The following FAM193B variants were observed in gnomAD, a reference collection of about 807,000 sequenced individuals.
FAM193B encodes the protein family with sequence similarity 193 member B, also known as protein FAM193B.
A neutral mutation model predicts 70.7 loss-of-function variants in FAM193B; 27 were observed. The ratio of observed to expected loss-of-function variants is 0.38; its 90% CI spans 0.28 to 0.53. The LOEUF (loss-of-function observed/expected upper bound fraction) is 0.53. FAM193B is among the 20% of genes least tolerant of loss of function. The pLI is 0.81. For synonymous variants in FAM193B, 448 were observed against 436.0 expected (o/e 1.03, Z -0.34); for missense variants, 1,022 against 1,072.5 (o/e 0.95, Z 0.66).
At chr5:177,547,999 T>G (rs1025281964) in intron 1 of FAM193B, among the ~76,000 whole-genome samples, 1 of 152,182 alleles carries the variant, frequency 6.6e-6, no homozygotes, top group Admixed American at 6.5e-5. Context: ...AGACATAGCA[T>G]GCCTCTCCTC....
Position 177,536,461 on chromosome 5 carries a change from G to T in FAM193B, c.973C>A (p.Pro325Thr). Residue 325 changes from proline (P) to threonine (T), a missense_variant, in exon 4 of 9, where the codon CCA (proline) becomes ACA (threonine). Coordinates refer to ENST00000514747, the MANE Select transcript of FAM193B (RefSeq NM_001190946.3). ...TSMPLLKMPPPFSGCSHPCSG... is the reference protein window; with the variant it reads ...TSMPLLKMPPTFSGCSHPCSG... Reference sequence around the variant, plus strand: ...CAGGGGTGGCTGCACCCCGAGAATGGTGGGGGCATCTTCAGGAGCGGCATG... The same window carrying T: ...CAGGGGTGGCTGCACCCCGAGAATGTTGGGGGCATCTTCAGGAGCGGCATG... The T allele has an allele frequency of 6.3e-7, 1 of 1,588,322 alleles. No individual in the cohort carries two copies. The highest frequency in any genetic ancestry group is 8.5e-7 in the Non-Finnish European group (1 of 1,171,486).
intron 5 of FAM193B, among the ~76,000 whole-genome samples, chr5:177,528,685 A>G (rs976379141): frequency 1.3e-5 from 2 of 152,238 alleles, no homozygotes; most frequent in African/African-American, 2.4e-5. Context: ...GCTATTTGCC[A>G]AAAAATAAGG....
intron 5 of FAM193B, among the ~76,000 whole-genome samples, chr5:177,527,457 G>A (rs990043545): frequency 4.6e-5 from 7 of 152,204 alleles, no homozygotes; most frequent in African/African-American, 7.2e-5. Context: ...GCATGGATAG[G>A]GCTTTTGGTG....
Position 177,521,960 on chromosome 5 carries a change from T to TG in FAM193B, c.*1+13dup. The TG allele has an allele frequency of 6.2e-7, 1 of 1,607,874 alleles. No homozygotes were observed. Among genetic ancestry groups the TG allele is most frequent in the Non-Finnish European group, 8.5e-7 (1 of 1,174,396 alleles). On this transcript the variant is annotated intron_variant, in intron 8 of 8. Transcript: ENST00000514747. Reference sequence around the variant, plus strand: ...AGGGAGAGGCAGTGGATGTAACTCTTGGGGTCTCTGTACCTCACTGAGCTG... The same window carrying TG: ...AGGGAGAGGCAGTGGATGTAACTCTTGGGGGTCTCTGTACCTCACTGAGCTG...
At chr5:177,531,696 G>A in intron 5 of FAM193B, 1 of 652,342 alleles carries the variant, frequency 1.5e-6, no homozygotes, top group South Asian at 1.9e-5. Context: ...GCGGCAGTGG[G>A]TGAAGGGACT....
intron 5 of FAM193B, chr5:177,531,253 C>G: frequency 1.6e-6 from 2 of 1,246,404 alleles, no homozygotes; most frequent in African/African-American, 3.1e-5. Context: ...GGAGGAGAGA[C>G]GGCAGAGCTG....
At chr5:177,529,781 CT>C (rs1763174228) in intron 5 of FAM193B, among the ~76,000 whole-genome samples, 1 of 152,166 alleles carries the variant, frequency 6.6e-6, no homozygotes, top group Non-Finnish European at 1.5e-5. Context: ...CTCTGGGGAC[CT>C]AACTGGGAAC....
intron 5 of FAM193B, among the ~76,000 whole-genome samples, chr5:177,530,310 TTCGAG>T (rs1316470339): frequency 2.0e-5 from 3 of 152,226 alleles, no homozygotes; most frequent in Non-Finnish European, 4.4e-5. Flanking sequence ...CACGGGAACC[TTCGAG>T]TCAACATGCC....
chr5:177,524,124 C>T, intron 6 of FAM193B, 61 bp downstream of exon 6: 10 of 1,606,352 alleles, frequency 6.2e-6, no homozygotes, highest in Non-Finnish European at 6.0e-6. Context: ...CAAAGGCTGC[C>T]CCTCCACCCC....
At chr5:177,541,482 G>A (rs532233354) in intron 1 of FAM193B, among the ~76,000 whole-genome samples, 39 of 151,942 alleles carry the variant, frequency 2.6e-4, no homozygotes, top group African/African-American at 7.7e-4. Flanking sequence ...GCAGTGGTAC[G>A]ATCTCGGCTC....
intron 4 of FAM193B, among the ~76,000 whole-genome samples, chr5:177,534,165 C>T (rs367649190): frequency 2.0e-5 from 3 of 152,292 alleles, no homozygotes; most frequent in East Asian, 3.9e-4. Context: ...GCCCTCTCTG[C>T]TGCTAGAAAG....
At chr5:177,527,436 T>TAAG (rs1299580562) in intron 5 of FAM193B, among the ~76,000 whole-genome samples, 1 of 152,158 alleles carries the variant, frequency 6.6e-6, no homozygotes, top group Non-Finnish European at 1.5e-5. Flanking sequence ...GTCTGAGCTA[T>TAAG]CAGCGATGTG....
intron 5 of FAM193B, chr5:177,525,494 G>A (rs543164755): frequency 3.4e-5 from 11 of 319,126 alleles, no homozygotes; most frequent in African/African-American, 1.1e-4. Flanking sequence ...CAATAATTCC[G>A]GAGTAAAGCC....
intron 1 of FAM193B, among the ~76,000 whole-genome samples, chr5:177,544,999 T>C (rs1213624460): frequency 6.6e-6 from 1 of 152,210 alleles, no homozygotes; most frequent in Admixed American, 6.5e-5. Flanking sequence ...CTTTAGTCTA[T>C]TAAGCCAGAT....
In FAM193B at chr5:177,530,607, G is replaced by A. The variant is rs536772421; in HGVS notation, c.1275+1836C>T. 3.9e-5 allele frequency among the ~76,000 whole-genome samples: 6 copies of A among 152,260 alleles called. No individual in the cohort carries two copies. In the East Asian group the frequency reaches 7.7e-4, roughly 20 times the overall value. On this transcript the variant is annotated intron_variant, in intron 5 of 8. Transcript: ENST00000514747. The stretch of plus-strand genomic sequence containing the variant: ...TCCAAGCTACCTTCCATTTGGCCAC[G>A]GCATAATCTTAGGATGCAGGTGTGA...
At chr5:177,553,260 T>C in intron 1 of FAM193B, 2 of 986,498 alleles carry the variant, frequency 2.0e-6, no homozygotes, top group Non-Finnish European at 2.4e-6. Flanking sequence ...CCCGATGCAG[T>C]GTCTGCAGAG....
chr5:177,537,014 TTC>T (rs1288908068), intron 3 of FAM193B, among the ~76,000 whole-genome samples: 3 of 152,220 alleles, frequency 2.0e-5, no homozygotes, highest in Non-Finnish European at 4.4e-5. Flanking sequence ...AAGATATGCA[TTC>T]TGTCTCTGAG....
chr5:177,537,879 T>C lies in FAM193B; in HGVS notation c.682A>G (p.Ile228Val), dbSNP rs768603390. 3 of 1,607,654 alleles carry C rather than the reference T, an allele frequency of 1.9e-6. No individual in the cohort carries two copies. The highest frequency in any genetic ancestry group is 3.4e-5 in the Admixed American group (2 of 59,372). The change falls in exon 3 of 9, where the codon ATC becomes GTC. Residue 228 changes from isoleucine (I) to valine (V), a missense_variant. Physicochemically the swap from Ile to Val is conservative, Grantham distance 29. Transcript: ENST00000514747. Reference protein sequence around the residue: ...PGSSLGSPPTIPGEAFPVSEH... With the variant: ...PGSSLGSPPTVPGEAFPVSEH... ...CCCGAGCCTGGAGACTCACCGGGGATGGTAGGAGGACTCCCAAGAGAGCTG... is the reference window on the plus strand; with the variant it reads ...CCCGAGCCTGGAGACTCACCGGGGACGGTAGGAGGACTCCCAAGAGAGCTG...
rs1482910547 is a variant in FAM193B, at chr5:177,532,136, G to T, written c.1275+307C>A. On this transcript the variant is annotated intron_variant, in intron 5 of 8. Coordinates refer to ENST00000514747, the MANE Select transcript of FAM193B (RefSeq NM_001190946.3). This position sits in a 1 kb window ranked among gnomAD's most constrained non-coding sequence, Gnocchi z 4.9. ...CACTCCCAAGCGTTCACTTCTCTGG[G>T]ATTACACACGTATACATACTCATCA... 7.3e-7 allele frequency: 1 copy of T among 1,370,012 alleles called. No homozygotes were observed. The highest frequency in any genetic ancestry group is 2.2e-5 in the Admixed American group (1 of 45,706). 84.9% of individuals were successfully genotyped at this position (1,370,012 alleles called of 1,614,324 possible). A position where few individuals can be genotyped will look rare whatever the true frequency, so the allele number is the denominator to read the frequency against.
Sources: gnomAD v4.1 joint callset for allele counts (sites outside exome capture counted in the v4.1 genomes callset) on GRCh38, gnomAD v4.1.1 for gene constraint, Gnocchi (gnomAD v3.1) non-coding constraint, MANE v1.5 for transcripts, NCBI Gene and HGNC (gene_info 2026-07-23, HGNC 2026-07-21) for gene names.